The following WDHD1 variants were observed in gnomAD, a reference collection of about 807,000 sequenced individuals.
The protein encoded by WDHD1 is WD repeat and HMG-box DNA-binding protein 1.
In WDHD1, 111 loss-of-function variants were observed where a neutral mutation model predicts 135.4. The ratio of observed to expected loss-of-function variants is 0.82; its 90% CI spans 0.70 to 0.96. WDHD1 has a LOEUF of 0.96. Ranked by LOEUF, WDHD1 falls within the 40% of genes least tolerant of loss-of-function variation. The pLI is 0.00. For synonymous variants in WDHD1, 434 were observed against 439.0 expected (o/e 0.99, Z 0.14); for missense variants, 1,351 against 1,336.3 (o/e 1.01, Z -0.17).
At chr14:54,986,790 C>T (rs56328130) in intron 14 of WDHD1, among the ~76,000 whole-genome samples, 144 of 152,270 alleles carry the variant, frequency 9.5e-4, no homozygotes, top group East Asian at 9.2e-3. Context: ...AAAAAGGAGG[C>T]AGCAGCTTTT....
chr14:54,971,994 C>G (rs2041442050), intron 16 of WDHD1, among the ~76,000 whole-genome samples: 1 of 152,060 alleles, frequency 6.6e-6, no homozygotes, highest in African/African-American at 2.4e-5. Context: ...TCAGACCAGC[C>G]TGGGCAACAT....
At chr14:55,004,714 A>G in intron 7 of WDHD1, 1 of 354,524 alleles carries the variant, frequency 2.8e-6, no homozygotes, top group South Asian at 2.2e-5. Flanking sequence ...CAGCCTCCCA[A>G]AGTGCTGGGA....
At chr14:55,013,199 A>AAAAAAAAAAAAAAAAAAAAG (rs2042201957) in intron 3 of WDHD1, among the ~76,000 whole-genome samples, 1 of 79,582 alleles carries the variant, frequency 1.3e-5, no homozygotes, top group Non-Finnish European at 3.0e-5. Context: ...CGTTTCAAAA[A>AAAAAAAAAAAAAAAAAAAAG]AAAAAAAAAA....
At chr14:54,956,054 CG>C (rs1566709168) in intron 23 of WDHD1, among the ~76,000 whole-genome samples, 1 of 151,814 alleles carries the variant, frequency 6.6e-6, no homozygotes, top group East Asian at 1.9e-4. Context: ...CCTGCCACCG[CG>C]GCTGGCCTAA....
rs149161941 is a variant in WDHD1, at chr14:54,994,955, C to G, written c.1153+648G>C. 7.9e-5 allele frequency among the ~76,000 whole-genome samples: 12 copies of G among 152,092 alleles called. No homozygotes were observed. In the East Asian group the frequency reaches 2.1e-3, roughly 27 times the overall value. On this transcript the variant is annotated intron_variant, in intron 11 of 25. Coordinates refer to ENST00000360586, the MANE Select transcript of WDHD1 (RefSeq NM_007086.4). ...TTGTGTCTTCTCTTTATTGATCAACCACGATAGATATTTATTAATTTTATT... is the reference window on the plus strand; with the variant it reads ...TTGTGTCTTCTCTTTATTGATCAACGACGATAGATATTTATTAATTTTATT...
chr14:55,021,636 T>C (rs995575808), intron 2 of WDHD1, among the ~76,000 whole-genome samples: 1 of 152,246 alleles, frequency 6.6e-6, no homozygotes, highest in Non-Finnish European at 1.5e-5. Context: ...TCCATCTGCC[T>C]GGGCCTCCCA....
At chr14:54,975,506 C>T (rs773191177) in intron 16 of WDHD1, among the ~76,000 whole-genome samples, 1 of 152,056 alleles carries the variant, frequency 6.6e-6, no homozygotes, top group Non-Finnish European at 1.5e-5. Context: ...TGCCACCAGG[C>T]CTGGCTAATT....
At chr14:55,012,077 G>T (rs1412547020) in intron 3 of WDHD1, among the ~76,000 whole-genome samples, 2 of 151,600 alleles carry the variant, frequency 1.3e-5, no homozygotes, top group East Asian at 3.9e-4. Flanking sequence ...CACTATTACT[G>T]GGATTAGCAA....
At chr14:54,986,697 A>T (rs1013104488) in intron 14 of WDHD1, among the ~76,000 whole-genome samples, 4 of 152,300 alleles carry the variant, frequency 2.6e-5, no homozygotes, top group Middle Eastern at 3.4e-3. Context: ...TTATTTTTTT[A>T]AAAAAGCACA....
chr14:55,001,765 C>G (rs2041985086), intron 8 of WDHD1, among the ~76,000 whole-genome samples: 1 of 152,148 alleles, frequency 6.6e-6, no homozygotes, highest in African/African-American at 2.4e-5. Context: ...GAAAACAGAC[C>G]AACAACCTTT....
At chr14:54,942,020 G>C (rs1333012575) in intron 25 of WDHD1, among the ~76,000 whole-genome samples, 2 of 152,108 alleles carry the variant, frequency 1.3e-5, no homozygotes. Context: ...GGAGGCCGAG[G>C]TGGGTGGATC....
intron 2 of WDHD1, among the ~76,000 whole-genome samples, chr14:55,015,482 A>G (rs560330905): frequency 1.3e-5 from 2 of 151,844 alleles, no homozygotes; most frequent in African/African-American, 4.8e-5. Context: ...CATAACACAC[A>G]TAACACATGG....
Position 55,007,354 on chromosome 14 carries a change from G to T in WDHD1, c.526C>A (p.Leu176Met). Reference protein sequence around the residue: ...SDQTCAISWPLLQKCNDVINA... With the variant: ...SDQTCAISWPMLQKCNDVINA... Reference sequence around the variant, plus strand: ...ATCACATCGTTGCATTTTTGTAGCAGTGGCCAACTAATAGCACATGTCTAA... The same window carrying T: ...ATCACATCGTTGCATTTTTGTAGCATTGGCCAACTAATAGCACATGTCTAA... Residue 176 changes from leucine (L) to methionine (M), a missense_variant, in exon 7 of 26, where the codon CTG (leucine) becomes ATG (methionine). Physicochemically the swap from Leu to Met is conservative, Grantham distance 15. Transcript: ENST00000360586. 1.9e-6 allele frequency: 3 copies of T among 1,601,966 alleles called. No individual in the cohort carries two copies. Among genetic ancestry groups the T allele is most frequent in the Non-Finnish European group, 2.6e-6 (3 of 1,176,328 alleles).
Position 54,955,640 on chromosome 14 carries a change from C to A in WDHD1, c.2971G>T (p.Glu991Ter). Residue 991 changes from glutamate (E) to a stop codon, truncating the protein, a stop_gained, in exon 24 of 26, where the codon GAA becomes TAA. Coordinates refer to ENST00000360586, the MANE Select transcript of WDHD1 (RefSeq NM_007086.4). LOFTEE classifies it high-confidence loss of function. ...TTTTTAAGATTTTCTTCTTTCACTTCCTCAGTTTTATTAGTTTGAGAATTT... is the reference window on the plus strand; with the variant it reads ...TTTTTAAGATTTTCTTCTTTCACTTACTCAGTTTTATTAGTTTGAGAATTT... ...KRNSQTNKTE[E>*]VKEENLKNVL... is the part of the protein sequence containing the mutation. The A allele has an allele frequency of 6.3e-7, 1 of 1,591,020 alleles. No homozygotes were observed. The highest frequency in any genetic ancestry group is 8.5e-7 in the Non-Finnish European group (1 of 1,171,482).
intron 2 of WDHD1, among the ~76,000 whole-genome samples, chr14:55,015,625 A>C (rs1171054959): frequency 6.6e-6 from 1 of 152,278 alleles, no homozygotes; most frequent in East Asian, 1.9e-4. Context: ...TTCAGATGTA[A>C]GACCCTAGGG....
In WDHD1 at chr14:54,984,784, A is replaced by G; in HGVS notation, c.1845T>C (p.His615=). 1 of 1,613,992 alleles carries G rather than the reference A, an allele frequency of 6.2e-7. No homozygotes were observed. The highest frequency in any genetic ancestry group is 8.5e-7 in the Non-Finnish European group (1 of 1,179,948). Residue 615 remains histidine (H), a synonymous_variant, in exon 15 of 26, where the codon CAT becomes CAC. Transcript: ENST00000360586. ...ELGKKKKQIL[H]GDPLPLTRKS... ...TCCTTGTAAGAGGAAGAGGGTCACC[A>G]TGCAAAATTTGTTTTTTCTTTTTCC...
At chr14:55,011,524 CAAAAAAAAAAAAAA>C (rs60615259) in intron 3 of WDHD1, among the ~76,000 whole-genome samples, 19 of 51,000 alleles carry the variant, frequency 3.7e-4, no homozygotes, top group Admixed American at 1.9e-3. Context: ...AACTCTGTCT[CAAAAAAAAAAAAAA>C]AAAAAAAAAA....
At position 54,947,722 on chromosome 14, in the gene WDHD1, G is replaced by A. The variant is rs189718590; in HGVS notation, c.3051-3252C>T. 1.8e-3 allele frequency among the ~76,000 whole-genome samples: 270 copies of A among 151,944 alleles called. 1 individual carries two copies. Among genetic ancestry groups the A allele is most frequent in the African/African-American group, 6.3e-3 (261 of 41,488 alleles). ...TTCTCCTGCCTCAGCCTCCCAAGTA[G>A]CTGGGATTACAGGCATGAGCCACCA... On this transcript the variant is annotated intron_variant, in intron 24 of 25. Coordinates refer to ENST00000360586, the MANE Select transcript of WDHD1 (RefSeq NM_007086.4).
chr14:54,970,791 T>G (rs1223084902), intron 16 of WDHD1, among the ~76,000 whole-genome samples: 1 of 151,742 alleles, frequency 6.6e-6, no homozygotes, highest in Non-Finnish European at 1.5e-5. Context: ...AGCCAAAGGA[T>G]CTAAAACAAA....
Sources: gnomAD v4.1 joint callset for allele counts (sites outside exome capture counted in the v4.1 genomes callset) on GRCh38, gnomAD v4.1.1 for gene constraint, MANE v1.5 for transcripts, NCBI Gene and HGNC (gene_info 2026-07-23, HGNC 2026-07-21) for gene names.